Variants in C4orf36 observed in about 807,000 individuals in gnomAD.
C4orf36 encodes the protein uncharacterized protein C4orf36.
Under a neutral mutation model 12.2 loss-of-function variants are expected in C4orf36, and 11 were observed. The ratio of observed to expected loss-of-function variants is 0.90; its 90% CI spans 0.57 to 1.49. C4orf36 has a LOEUF of 1.49. Ranked by LOEUF, C4orf36 falls within the 40% of genes most tolerant of loss-of-function variation. C4orf36 has a pLI of 0.00. For missense variants in C4orf36, 137 were observed against 133.9 expected (o/e 1.02, Z -0.11); for synonymous variants, 54 against 51.3 (o/e 1.05, Z -0.22).
chr4:86,894,275 A>C (rs1276196697), upstream of C4orf36, among the ~76,000 whole-genome samples: 5 of 152,226 alleles, frequency 3.3e-5, no homozygotes, highest in Admixed American at 3.3e-4. Flanking sequence ...AAGTGTAAGA[A>C]GGTATTATTT....
In C4orf36 at chr4:86,888,044, C is replaced by A. The variant is rs111701533; in HGVS notation, c.220+77G>T. The stretch of plus-strand genomic sequence containing the variant: ...GATAGGAGGTATGGGTGTAAATACA[C>A]AGATTTAAACATTTCTCTGATAAGC... On this transcript the variant is annotated intron_variant, in intron 3 of 4. Transcript: ENST00000295898. 1,520 of 1,552,846 alleles carry A rather than the reference C, an allele frequency of 9.8e-4. 14 individuals carry two copies. The African/African-American group carries it at 0.018, about 18-fold the overall frequency.
chr4:86,891,311 AAAT>A, intron 2 of C4orf36, 142 bp downstream of exon 2: 4 of 643,156 alleles, frequency 6.2e-6, no homozygotes, highest in Non-Finnish European at 4.9e-6. Context: ...AAAAAAAAAA[AAAT>A]CAGATCCCAG....
At chr4:86,884,440 G>T (rs1386945757) in intron 4 of C4orf36, among the ~76,000 whole-genome samples, 1 of 151,940 alleles carries the variant, frequency 6.6e-6, no homozygotes, top group Non-Finnish European at 1.5e-5. Flanking sequence ...GAGTAGCTGG[G>T]ACTACAGGCA....
upstream of C4orf36, among the ~76,000 whole-genome samples, chr4:86,896,288 C>T (rs1431542997): frequency 6.6e-6 from 1 of 152,214 alleles, no homozygotes; most frequent in Non-Finnish European, 1.5e-5. Flanking sequence ...CATTTGAAAA[C>T]AGTTACGCAA....
chr4:86,876,694 C>G, intron 4 of C4orf36: 1 of 1,605,772 alleles, frequency 6.2e-7, no homozygotes, highest in Non-Finnish European at 8.5e-7. Flanking sequence ...TATGGTGAAG[C>G]TATGGGTGAT....
the C4orf36 span, among the ~76,000 whole-genome samples, chr4:86,903,689 G>A: frequency 6.6e-6 from 1 of 152,146 alleles, no homozygotes; most frequent in Non-Finnish European, 1.5e-5. Context: ...GCTTGCTCTG[G>A]TGGCCTGCCT....
At position 86,876,462 on chromosome 4, in the gene C4orf36, GA is replaced by G; in HGVS notation, c.*3-20del. 1 of 1,613,088 alleles carries G rather than the reference GA, an allele frequency of 6.2e-7. No homozygotes were observed. On this transcript the variant is annotated intron_variant, in intron 4 of 4. Transcript: ENST00000295898. The stretch of plus-strand genomic sequence containing the variant: ...CTTCAGGCTGCGCAAAGGAGAGGGG[GA>G]AAATAAGATTTTATTTTATCATCCA...
At chr4:86,905,590 TAGAC>T in the C4orf36 span, among the ~76,000 whole-genome samples, 6 of 152,070 alleles carry the variant, frequency 3.9e-5, no homozygotes, top group Non-Finnish European at 5.9e-5. Context: ...TATGAAATGT[TAGAC>T]AGAGTTTTGG....
At chr4:86,889,150 GA>G (rs1464512244) in intron 2 of C4orf36, among the ~76,000 whole-genome samples, 1 of 152,046 alleles carries the variant, frequency 6.6e-6, no homozygotes, top group Non-Finnish European at 1.5e-5. Context: ...AGGAGCTCAA[GA>G]CCAGCCTGGC....
the C4orf36 span, among the ~76,000 whole-genome samples, chr4:86,929,494 ATCTC>A: frequency 6.6e-6 from 1 of 152,084 alleles, no homozygotes; most frequent in Non-Finnish European, 1.5e-5. Context: ...GCAGCTTTGG[ATCTC>A]TCTGACTTAC....
chr4:86,892,187 G>A lies in C4orf36; in HGVS notation c.-78C>T, dbSNP rs1216233440. On this transcript the variant is annotated 5_prime_UTR_variant, in exon 1 of 5. Coordinates refer to ENST00000295898, the MANE Select transcript of C4orf36 (RefSeq NM_144645.4). ...AGCCTCGGCTCCTTCCCACACCTGG[G>A]CCCCACCCTGCCTCCGACTCGCCAG... 4.1e-6 allele frequency: 4 copies of A among 985,418 alleles called. No homozygotes were observed. In the African/African-American group the frequency reaches 5.2e-5, roughly 13 times the overall value. 61.0% of individuals were successfully genotyped at this position (985,418 alleles called of 1,614,324 possible).
chr4:86,914,357 A>C, the C4orf36 span: 1 of 935,006 alleles, frequency 1.1e-6, no homozygotes, highest in Non-Finnish European at 1.7e-6. Context: ...TGAGTTCATG[A>C]GCTTTCACCC....
At chr4:86,907,986 A>G in the C4orf36 span, among the ~76,000 whole-genome samples, 1 of 151,874 alleles carries the variant, frequency 6.6e-6, no homozygotes, top group African/African-American at 2.4e-5. Context: ...GAAAAAAAGA[A>G]ATGGTGTCAC....
chr4:86,921,826 A>C, the C4orf36 span, among the ~76,000 whole-genome samples: 1 of 152,140 alleles, frequency 6.6e-6, no homozygotes, highest in Admixed American at 6.5e-5. Context: ...TTAAGCAATA[A>C]CTCCGCATTC....
chr4:86,911,234 C>T, the C4orf36 span, among the ~76,000 whole-genome samples: 8 of 152,226 alleles, frequency 5.3e-5, no homozygotes, highest in African/African-American at 1.4e-4. Flanking sequence ...AAGCACTGTC[C>T]GGGATGGAGG....
rs748902035 is a variant in C4orf36, at chr4:86,887,829, T to C, written c.285A>G (p.Thr95=). The C allele has an allele frequency of 6.2e-6, 10 of 1,614,100 alleles. No homozygotes were observed. The Admixed American group carries it at 1.5e-4, about 24-fold the overall frequency. Residue 95 remains threonine, a synonymous_variant, in exon 4 of 5, where the codon ACA becomes ACG. Coordinates refer to ENST00000295898, the MANE Select transcript of C4orf36 (RefSeq NM_144645.4). ...RLCKLKCQEN[T]SKEIQLLLRE... is the part of the protein sequence containing the mutation. ...TCAGGAGAAGCTGAATTTCCTTAGA[T>C]GTATTTTCTTGACACTTCAGTTTAC...
chr4:86,912,064 G>A, the C4orf36 span, among the ~76,000 whole-genome samples: 1 of 149,170 alleles, frequency 6.7e-6, no homozygotes, highest in Non-Finnish European at 1.5e-5. Context: ...TAGTAGAGAC[G>A]AAGTTTCTCC....
At chr4:86,908,196 C>CAT in the C4orf36 span, among the ~76,000 whole-genome samples, 2 of 150,508 alleles carry the variant, frequency 1.3e-5, no homozygotes, top group African/African-American at 4.9e-5. Context: ...CACACACACA[C>CAT]ACACACACAC....
the C4orf36 span, chr4:86,913,667 C>T: frequency 1.9e-6 from 3 of 1,600,084 alleles, no homozygotes; most frequent in Non-Finnish European, 2.6e-6. Flanking sequence ...CAGCAACAGA[C>T]ATGGTGCTGT....
Sources: gnomAD v4.1 joint callset for allele counts (sites outside exome capture counted in the v4.1 genomes callset) on GRCh38, gnomAD v4.1.1 for gene constraint, MANE v1.5 for transcripts, NCBI Gene and HGNC (gene_info 2026-07-23, HGNC 2026-07-21) for gene names.